The following MCTP2 variants were observed in gnomAD, a reference collection of about 807,000 sequenced individuals.
The protein encoded by MCTP2 is multiple C2 and transmembrane domain containing 2, also known as multiple C2 and transmembrane domain-containing protein 2.
In MCTP2, 132 loss-of-function variants were observed where a neutral mutation model predicts 111.6. That is an observed-to-expected ratio of 1.18 (90% CI 1.03 to 1.37). The LOEUF (loss-of-function observed/expected upper bound fraction) is 1.37. Ranked by LOEUF, MCTP2 falls within the 40% of genes most tolerant of loss-of-function variation. MCTP2 has a pLI of 0.00. For synonymous variants in MCTP2, 395 were observed against 387.7 expected, an observed-to-expected ratio of 1.02 and a Z score of -0.22; for missense variants, 1,183 against 1,067.9, an observed-to-expected ratio of 1.11 and a Z score of -1.50.
chr15:94,381,127 C>G (rs1396415768), intron 12 of MCTP2, among the ~76,000 whole-genome samples: 4 of 152,206 alleles, frequency 2.6e-5, no homozygotes. Flanking sequence ...TTGTCCTTTT[C>G]TCTCAGTACC....
intron 1 of MCTP2, among the ~76,000 whole-genome samples, chr15:94,285,579 A>C (rs913438777): frequency 6.6e-6 from 1 of 152,150 alleles, no homozygotes; most frequent in South Asian, 2.1e-4. Context: ...TACACATTTT[A>C]TTGAATTCAT....
intron 4 of MCTP2, among the ~76,000 whole-genome samples, chr15:94,324,275 CT>C: frequency 6.6e-6 from 1 of 152,234 alleles, no homozygotes; most frequent in East Asian, 1.9e-4. Context: ...AGCTCATACC[CT>C]GTTGGCTCGT....
intron 4 of MCTP2, 75 bp downstream of exon 4, chr15:94,315,712 T>A: frequency 9.3e-7 from 1 of 1,080,012 alleles, no homozygotes; most frequent in Non-Finnish European, 1.4e-6. Context: ...ATATTGTCAG[T>A]CAGGCTTTGA....
At chr15:94,466,472 T>C (rs1311274919) in intron 20 of MCTP2, among the ~76,000 whole-genome samples, 1 of 152,160 alleles carries the variant, frequency 6.6e-6, no homozygotes, top group Non-Finnish European at 1.5e-5. Flanking sequence ...ACTGGTAGCA[T>C]AAACTGAAAT....
chr15:94,470,047 C>T (rs1325153653), intron 20 of MCTP2, among the ~76,000 whole-genome samples: 3 of 152,138 alleles, frequency 2.0e-5, no homozygotes, highest in Non-Finnish European at 4.4e-5. Context: ...TTTTTAATCA[C>T]TTCTGAGAGC....
chr15:94,458,009 A>T (rs1359615826), intron 19 of MCTP2, 128 bp from the exon 20 acceptor site: 3 of 601,014 alleles, frequency 5.0e-6, no homozygotes, highest in African/African-American at 1.9e-5. Context: ...AAGTTGTAAA[A>T]CAATGATTTA....
At chr15:94,311,369 G>A (rs933583301) in intron 2 of MCTP2, among the ~76,000 whole-genome samples, 2 of 152,136 alleles carry the variant, frequency 1.3e-5, no homozygotes, top group Non-Finnish European at 2.9e-5. Flanking sequence ...GTATTCTGGG[G>A]TATTCCTGAT....
intron 19 of MCTP2, among the ~76,000 whole-genome samples, chr15:94,443,991 A>AAAC (rs968836165): frequency 2.1e-5 from 3 of 144,740 alleles, no homozygotes; most frequent in Non-Finnish European, 4.6e-5. Flanking sequence ...CAAAAAAAAA[A>AAAC]AAAAAAAAAA....
In MCTP2 at chr15:94,481,372, CTTTT is replaced by C. The variant is rs890066709; in HGVS notation, c.*2344_*2347del. 3 of 151,842 alleles carry C rather than the reference CTTTT, an allele frequency of 2.0e-5. No individual in the cohort carries two copies. Among genetic ancestry groups the C allele is most frequent in the African/African-American group, 7.3e-5 (3 of 41,292 alleles). The allele number at this position is 151,842 out of a possible 1,614,324, so 9.4% of individuals were successfully genotyped here. On this transcript the variant is annotated 3_prime_UTR_variant, in exon 23 of 23. Coordinates refer to ENST00000357742, the MANE Select transcript of MCTP2 (RefSeq NM_001385001.1). ...GGGCTTGGAATTTCTCGGTCATCCT[CTTTT>C]TTTTTGTTCCTCGTGCTGTTGTCCT... is the stretch of plus-strand genomic sequence containing the variant.
intron 21 of MCTP2, among the ~76,000 whole-genome samples, chr15:94,471,827 T>C (rs1280867581): frequency 6.6e-6 from 1 of 152,140 alleles, no homozygotes; most frequent in Non-Finnish European, 1.5e-5. Context: ...CAACTGGTTA[T>C]CTTATTTTTC....
intron 1 of MCTP2, among the ~76,000 whole-genome samples, chr15:94,244,910 CTA>C (rs1294466757): frequency 1.8e-5 from 2 of 110,470 alleles, no homozygotes; most frequent in African/African-American, 6.9e-5. Context: ...ACATATGCAC[CTA>C]TGTTTATATA....
intron 1 of MCTP2, among the ~76,000 whole-genome samples, chr15:94,284,527 G>A (rs2074658372): frequency 6.6e-6 from 1 of 152,054 alleles, no homozygotes; most frequent in African/African-American, 2.4e-5. Flanking sequence ...TATCATTGTG[G>A]GTAAAATTCG....
intron 17 of MCTP2, among the ~76,000 whole-genome samples, chr15:94,415,684 A>G (rs2082340299): frequency 2.0e-5 from 3 of 150,956 alleles, no homozygotes; most frequent in African/African-American, 7.3e-5. Flanking sequence ...GTTTCCCCTG[A>G]ATTAGGCATA....
chr15:94,245,351 C>T (rs1312488919), intron 1 of MCTP2, among the ~76,000 whole-genome samples: 6 of 131,494 alleles, frequency 4.6e-5, no homozygotes, highest in Admixed American at 1.6e-4. Context: ...TATTTACATA[C>T]ATATGTATAT....
chr15:94,260,254 AT>A (rs1483335153), intron 1 of MCTP2, among the ~76,000 whole-genome samples: 2 of 152,088 alleles, frequency 1.3e-5, no homozygotes, highest in Non-Finnish European at 2.9e-5. Context: ...TGGGCTTGCC[AT>A]GGTGCATTCA....
chr15:94,300,736 C>T lies in MCTP2; in HGVS notation c.465+2006C>T, dbSNP rs529736001. ...ATGTTTCAGCCTGGTCTCCTGGCAG[C>T]TCACTGGAAGGAGGGGATCAGTGTG... On this transcript the variant is annotated intron_variant, in intron 2 of 22. Coordinates refer to ENST00000357742, the MANE Select transcript of MCTP2 (RefSeq NM_001385001.1). Among the ~76,000 whole-genome samples, 5 of 152,154 alleles carry T rather than the reference C, an allele frequency of 3.3e-5. No individual in the cohort carries two copies. The South Asian group carries it at 1.0e-3, about 32-fold the overall frequency.
chr15:94,461,169 G>A (rs1053583376), intron 20 of MCTP2, among the ~76,000 whole-genome samples: 1 of 152,060 alleles, frequency 6.6e-6, no homozygotes, highest in Non-Finnish European at 1.5e-5. Context: ...TACTCAACAT[G>A]TAGCATTTGG....
At chr15:94,381,245 T>C (rs1453108333) in intron 12 of MCTP2, among the ~76,000 whole-genome samples, 1 of 152,354 alleles carries the variant, frequency 6.6e-6, no homozygotes. Context: ...TCTGAAACTT[T>C]TTAAGAGAAA....
intron 10 of MCTP2, among the ~76,000 whole-genome samples, chr15:94,363,178 A>G (rs575961891): frequency 1.3e-5 from 2 of 152,278 alleles, no homozygotes; most frequent in South Asian, 4.1e-4. Flanking sequence ...TTGTGCGTTC[A>G]GTGTATTCAA....
Sources: allele counts gnomAD v4.1 joint callset (sites outside exome capture counted in the v4.1 genomes callset), GRCh38; gene constraint gnomAD v4.1.1; transcripts MANE v1.5; gene names NCBI Gene and HGNC (gene_info 2026-07-23, HGNC 2026-07-21).